The following TAC1 variants were observed in gnomAD, a reference collection of about 807,000 sequenced individuals.
The protein encoded by TAC1 is protachykinin-1.
In TAC1, 12 loss-of-function variants were observed where a neutral mutation model predicts 21.7. That is an observed-to-expected ratio of 0.55 (90% CI 0.35 to 0.89). The LOEUF is 0.89. Among genes scored for constraint, TAC1 ranks in the 40% least tolerant of loss-of-function variants. The pLI is 0.01. For missense variants in TAC1, 128 were observed against 151.4 expected (o/e 0.85, Z 0.81); for synonymous variants, 52 against 52.0 (o/e 1.00, Z 0.00).
intron 3 of TAC1, 57 bp downstream of exon 3, chr7:97,733,876 C>T: frequency 6.6e-7 from 1 of 1,512,086 alleles, no homozygotes; most frequent in Non-Finnish European, 9.2e-7. Context: ...CTGCTCACTC[C>T]TTCCTGGAGT....
In TAC1 at chr7:97,734,299, A is replaced by C; in HGVS notation, c.265+7A>C. 1 of 1,610,420 alleles carries C rather than the reference A, an allele frequency of 6.2e-7. No individual in the cohort carries two copies. The highest frequency in any genetic ancestry group is 8.5e-7 in the Non-Finnish European group (1 of 1,176,972). ...CTGTTAAAGGCTCTTTATGGTAAAC[A>C]TTCCTATAAATCTTTATTTTACTAT... On this transcript the variant is annotated splice_region_variant and intron_variant, in intron 4 of 6. Transcript: ENST00000319273.
chr7:97,733,464 A>G (rs1174983528), intron 2 of TAC1, among the ~76,000 whole-genome samples: 2 of 151,870 alleles, frequency 1.3e-5, no homozygotes, highest in African/African-American at 4.8e-5. Context: ...GGGAGGAAAG[A>G]GCGGAAAGCG....
intron 5 of TAC1, among the ~76,000 whole-genome samples, chr7:97,735,709 T>C (rs1305066008): frequency 6.6e-6 from 1 of 152,202 alleles, no homozygotes; most frequent in Non-Finnish European, 1.5e-5. Context: ...TATTCATATT[T>C]ACTTTCTAAG....
chr7:97,732,780 C>T lies in TAC1; in HGVS notation c.123+45C>T, dbSNP rs769526585. 1.3e-6 allele frequency: 2 copies of T among 1,590,488 alleles called. No individual in the cohort carries two copies. Among genetic ancestry groups the T allele is most frequent in the Non-Finnish European group, 1.7e-6 (2 of 1,168,388 alleles). ...CGGCCCGCACCCTTCTTCCTGGGCT[C>T]GGGAGCTGTCACCTTCCCACGCAAC... On this transcript the variant is annotated intron_variant, in intron 2 of 6. Transcript: ENST00000319273. This position sits in a 1 kb window ranked among gnomAD's most constrained non-coding sequence, Gnocchi z 6.2.
chr7:97,736,489 A>G lies in TAC1; in HGVS notation c.343+137A>G. 4.0e-6 allele frequency: 3 copies of G among 752,810 alleles called. No individual in the cohort carries two copies. In the South Asian group the frequency reaches 5.1e-5, roughly 13 times the overall value. The allele number at this position is 752,810 out of a possible 1,614,324, so 46.6% of individuals were successfully genotyped here. The stretch of plus-strand genomic sequence containing the variant: ...TATGGTGGAAAAATTTAATTGTTGT[A>G]CTTGTAACCACAAATGGATTTATAG... On this transcript the variant is annotated intron_variant, in intron 6 of 6. Transcript: ENST00000319273.
chr7:97,739,973 AGG>A lies in TAC1; in HGVS notation c.*54_*55del. ...TTCATTTGTGTCAATGGGCAATGAC[AGG>A]TAAATTAAGACATGCACTATGAGGA... On this transcript the variant is annotated 3_prime_UTR_variant, in exon 7 of 7. Coordinates refer to ENST00000319273, the MANE Select transcript of TAC1 (RefSeq NM_003182.3). 4 of 1,293,180 alleles carry A rather than the reference AGG, an allele frequency of 3.1e-6. No homozygotes were observed. Among genetic ancestry groups the A allele is most frequent in the Non-Finnish European group, 4.4e-6 (4 of 917,010 alleles). The allele number at this position is 1,293,180 out of a possible 1,614,324, so 80.1% of individuals were successfully genotyped here. A position where few individuals can be genotyped will look rare whatever the true frequency, so the allele number is the denominator to read the frequency against.
chr7:97,732,448 G>A lies in TAC1; in HGVS notation c.-9-156G>A, dbSNP rs1301790610. Among the ~76,000 whole-genome samples the A allele has an allele frequency of 6.6e-6, 1 of 152,194 alleles. No individual in the cohort carries two copies. Among genetic ancestry groups the A allele is most frequent in the East Asian group, 1.9e-4 (1 of 5,194 alleles). On this transcript the variant is annotated intron_variant, in intron 1 of 6. Transcript: ENST00000319273. The surrounding 1 kb of genome is among the most constrained non-coding windows in gnomAD (Gnocchi z 6.2). ...AGAATCTTTGGGACGCGATTCTCTC[G>A]CCTAACCGGTACAGGTGAGACTTCA...
At chr7:97,739,755 C>A (rs2115852022) in intron 6 of TAC1, 119 bp from the exon 7 acceptor site, 2 of 605,368 alleles carry the variant, frequency 3.3e-6, no homozygotes, top group South Asian at 2.5e-5. Flanking sequence ...AGAAATACTT[C>A]TGTAGAGGGA....
intron 6 of TAC1, among the ~76,000 whole-genome samples, chr7:97,739,341 T>C (rs1789648495): frequency 6.6e-6 from 1 of 152,038 alleles, no homozygotes; most frequent in East Asian, 1.9e-4. Flanking sequence ...GTGAGCCATG[T>C]AATCTCTGTT....
At position 97,740,112 on chromosome 7, in the gene TAC1, C is replaced by T. The variant is rs1789673976; in HGVS notation, c.*192C>T. 1 of 409,396 alleles carries T rather than the reference C, an allele frequency of 2.4e-6. No individual in the cohort carries two copies. Among genetic ancestry groups the T allele is most frequent in the Non-Finnish European group, 4.3e-6 (1 of 230,352 alleles). The allele number at this position is 409,396 out of a possible 1,614,324, so 25.4% of individuals were successfully genotyped here. The stretch of plus-strand genomic sequence containing the variant: ...ATGTGTTTTAATTCCAATATGATGA[C>T]TCCCTTAAAATAGAAATAAGTGGTT... On this transcript the variant is annotated 3_prime_UTR_variant, in exon 7 of 7. Coordinates refer to ENST00000319273, the MANE Select transcript of TAC1 (RefSeq NM_003182.3).
chr7:97,732,866 G>A lies in TAC1; in HGVS notation c.123+131G>A. The A allele has an allele frequency of 8.0e-7, 1 of 1,245,312 alleles. No individual in the cohort carries two copies. Among genetic ancestry groups the A allele is most frequent in the Non-Finnish European group, 1.1e-6 (1 of 911,806 alleles). The allele number at this position is 1,245,312 out of a possible 1,614,324, so 77.1% of individuals were successfully genotyped here. ...GGAAAGAGGCAGCGGTTGCGTGCGA[G>A]AGGATGGAAAGGGGCACTATTTCCC... On this transcript the variant is annotated intron_variant, in intron 2 of 6. Transcript: ENST00000319273. This position sits in a 1 kb window ranked among gnomAD's most constrained non-coding sequence, Gnocchi z 6.2.
At chr7:97,733,975 G>A in intron 3 of TAC1, 156 bp downstream of exon 3, 2 of 761,278 alleles carry the variant, frequency 2.6e-6, no homozygotes, top group Non-Finnish European at 4.3e-6. Flanking sequence ...CCGCACTAAG[G>A]CACGCACGGG....
chr7:97,738,286 C>T (rs1038340905), intron 6 of TAC1, among the ~76,000 whole-genome samples: 8 of 151,894 alleles, frequency 5.3e-5, no homozygotes, highest in African/African-American at 1.9e-4. Flanking sequence ...AGATAGATGC[C>T]CTTTCCCAGA....
At chr7:97,736,162 T>G in intron 5 of TAC1, 137 bp from the exon 6 acceptor site, 1 of 602,856 alleles carries the variant, frequency 1.7e-6, no homozygotes, top group East Asian at 3.0e-5. Context: ...TCTTTATTTC[T>G]TCAGTCTCAC....
At position 97,734,306 on chromosome 7, in the gene TAC1, T is replaced by C. The variant is rs756690483; in HGVS notation, c.265+14T>C. 42 of 1,607,420 alleles carry C rather than the reference T, an allele frequency of 2.6e-5. No individual in the cohort carries two copies. The Middle Eastern group carries it at 6.6e-4, about 25-fold the overall frequency. On this transcript the variant is annotated intron_variant, in intron 4 of 6. Coordinates refer to ENST00000319273, the MANE Select transcript of TAC1 (RefSeq NM_003182.3). ...AGGCTCTTTATGGTAAACATTCCTA[T>C]AAATCTTTATTTTACTATTGTGAAA... is the stretch of plus-strand genomic sequence containing the variant.
At position 97,733,310 on chromosome 7, in the gene TAC1, C is replaced by T. The variant is rs569732702; in HGVS notation, c.124-413C>T. 1.2e-4 allele frequency among the ~76,000 whole-genome samples: 18 copies of T among 152,216 alleles called. No individual in the cohort carries two copies. In the South Asian group the frequency reaches 3.1e-3, roughly 26 times the overall value. On this transcript the variant is annotated intron_variant, in intron 2 of 6. Coordinates refer to ENST00000319273, the MANE Select transcript of TAC1 (RefSeq NM_003182.3). ...AAAACGGTGAAAGTCGTCTGTAAAG[C>T]GTTGTCACCCTTCCCCACCGGAGCC... is the stretch of plus-strand genomic sequence containing the variant.
intron 6 of TAC1, among the ~76,000 whole-genome samples, chr7:97,738,421 T>C (rs76993791): frequency 0.19 from 28,255 of 151,952 alleles, 2,741 homozygotes; most frequent in East Asian, 0.27. Flanking sequence ...TGTCTGTCTT[T>C]AGTTGGTTTA....
In TAC1 at chr7:97,739,914, A is replaced by G. The variant is rs1229368225; in HGVS notation, c.384A>G (p.Arg128=). 1 of 1,602,118 alleles carries G rather than the reference A, an allele frequency of 6.2e-7. No homozygotes were observed. The highest frequency in any genetic ancestry group is 2.3e-5 in the East Asian group (1 of 44,434). ...ERSAMQNYER[R]R ...GTGCAATGCAGAATTATGAAAGAAG[A>G]CGTTAATAAACTACCTAACATTATT... The change falls in exon 7 of 7, where the codon AGA becomes AGG. Residue 128 remains arginine (R), a synonymous_variant. Coordinates refer to ENST00000319273, the MANE Select transcript of TAC1 (RefSeq NM_003182.3).
chr7:97,732,994 C>CGGCCA lies in TAC1; in HGVS notation c.123+259_123+260insGGCCA. On this transcript the variant is annotated intron_variant, in intron 2 of 6. Coordinates refer to ENST00000319273, the MANE Select transcript of TAC1 (RefSeq NM_003182.3). This position sits in a 1 kb window ranked among gnomAD's most constrained non-coding sequence, Gnocchi z 6.2. The stretch of plus-strand genomic sequence containing the variant: ...CAGTAGGGATGCCCTCCCGGATGAG[C>CGGCCA]CCGAGATCCTCACAAGGCGGGAAAT... 5.5e-6 allele frequency: 2 copies of CGGCCA among 364,852 alleles called. No individual in the cohort carries two copies. Among genetic ancestry groups the CGGCCA allele is most frequent in the Non-Finnish European group, 9.9e-6 (2 of 201,662 alleles). 22.6% of individuals were successfully genotyped at this position (364,852 alleles called of 1,614,324 possible).
Sources: gnomAD v4.1 joint callset for allele counts (sites outside exome capture counted in the v4.1 genomes callset) on GRCh38, gnomAD v4.1.1 for gene constraint, Gnocchi (gnomAD v3.1) non-coding constraint, MANE v1.5 for transcripts, NCBI Gene and HGNC (gene_info 2026-07-23, HGNC 2026-07-21) for gene names.